CCDC178: variants seen among roughly 807,000 people sequenced by gnomAD.
The protein encoded by CCDC178 is coiled-coil domain containing 178.
In CCDC178, 126 loss-of-function variants were observed where a neutral mutation model predicts 117.4. The ratio of observed to expected loss-of-function variants is 1.07; its 90% CI spans 0.93 to 1.24. The LOEUF is 1.24. CCDC178 is among the 50% of genes most tolerant of loss of function. The pLI, the probability that CCDC178 is intolerant of heterozygous loss-of-function variation, is 0.00. For missense variants in CCDC178, 1,030 were observed against 986.9 expected, an observed-to-expected ratio of 1.04 and a Z score of -0.59; for synonymous variants, 283 against 313.4, an observed-to-expected ratio of 0.90 and a Z score of 1.02.
chr18:33,251,381 T>G (rs1171492582), intron 14 of CCDC178, among the ~76,000 whole-genome samples: 1 of 151,614 alleles, frequency 6.6e-6, no homozygotes, highest in African/African-American at 2.4e-5. Context: ...TTATTAGGAG[T>G]CAAGAGAGGG....
intron 18 of CCDC178, among the ~76,000 whole-genome samples, chr18:33,216,700 G>A (rs271558): frequency 0.16 from 23,724 of 151,888 alleles, 2,502 homozygotes; most frequent in African/African-American, 0.31. Flanking sequence ...TGAACATTGG[G>A]TACTGCATTT....
rs946865905 is a variant in CCDC178, at chr18:33,365,456, G to A, written c.348+4594C>T. On this transcript the variant is annotated intron_variant, in intron 6 of 22. Coordinates refer to ENST00000383096, the MANE Select transcript of CCDC178 (RefSeq NM_001105528.4). The stretch of plus-strand genomic sequence containing the variant: ...GGCTCTGCCACTGACATTAGATCTC[G>A]GGAGAAATCAGCCTCTGAAATCATT... Among the ~76,000 whole-genome samples the A allele has an allele frequency of 4.6e-5, 7 of 151,990 alleles. No individual in the cohort carries two copies. In the South Asian group the frequency reaches 6.2e-4, roughly 14 times the overall value.
chr18:33,103,454 T>C (rs933009582), intron 20 of CCDC178, among the ~76,000 whole-genome samples: 3 of 151,676 alleles, frequency 2.0e-5, no homozygotes, highest in African/African-American at 7.3e-5. Flanking sequence ...ATTCAAGATC[T>C]ATTTGGGCTC....
chr18:33,135,382 T>A (rs905575058), intron 20 of CCDC178, among the ~76,000 whole-genome samples: 3 of 152,118 alleles, frequency 2.0e-5, no homozygotes, highest in Non-Finnish European at 4.4e-5. Flanking sequence ...GACATAAAAA[T>A]ATAAATTAAA....
chr18:33,278,719 G>A (rs7506187), intron 12 of CCDC178, among the ~76,000 whole-genome samples: 126,101 of 151,976 alleles, frequency 0.83, 53,127 homozygotes, highest in South Asian at 0.92. Context: ...CTCTAAATGC[G>A]GACTGTGAAG....
chr18:33,164,145 T>C (rs2058499826), intron 20 of CCDC178, among the ~76,000 whole-genome samples: 1 of 151,172 alleles, frequency 6.6e-6, no homozygotes, highest in Non-Finnish European at 1.5e-5. Flanking sequence ...TTCGCTCTTG[T>C]TGCCCAGGCT....
At chr18:33,084,567 C>T (rs2057347517) in intron 21 of CCDC178, among the ~76,000 whole-genome samples, 1 of 152,016 alleles carries the variant, frequency 6.6e-6, no homozygotes, top group Non-Finnish European at 1.5e-5. Flanking sequence ...AATCCCAGCA[C>T]TTTGAGGGGC....
At chr18:33,095,701 T>C (rs2057531377) in intron 20 of CCDC178, among the ~76,000 whole-genome samples, 1 of 151,936 alleles carries the variant, frequency 6.6e-6, no homozygotes, top group Admixed American at 6.6e-5. Context: ...AGTAACTGAT[T>C]GGCAATATAA....
At chr18:33,401,710 T>A (rs1437465295) in intron 3 of CCDC178, among the ~76,000 whole-genome samples, 5 of 152,066 alleles carry the variant, frequency 3.3e-5, no homozygotes, top group African/African-American at 1.2e-4. Flanking sequence ...GATACTTTTA[T>A]CTTCTTTGAC....
chr18:33,145,922 T>G (rs1210409964), intron 20 of CCDC178, among the ~76,000 whole-genome samples: 2 of 152,188 alleles, frequency 1.3e-5, no homozygotes, highest in African/African-American at 2.4e-5. Context: ...TTGGGAAATG[T>G]TACAGGAAGC....
chr18:33,174,462 T>C (rs925033558), intron 20 of CCDC178, among the ~76,000 whole-genome samples: 1 of 152,126 alleles, frequency 6.6e-6, no homozygotes, highest in Admixed American at 6.6e-5. Flanking sequence ...TTAAATGTTA[T>C]ATTTATATTA....
chr18:33,045,165 A>C (rs1326972877), intron 21 of CCDC178, among the ~76,000 whole-genome samples: 1 of 152,186 alleles, frequency 6.6e-6, no homozygotes, highest in African/African-American at 2.4e-5. Context: ...TAAATATATA[A>C]AAATAAAATA....
chr18:33,084,669 G>A (rs1165912195), intron 21 of CCDC178, among the ~76,000 whole-genome samples: 4 of 151,676 alleles, frequency 2.6e-5, no homozygotes, highest in South Asian at 4.2e-4. Flanking sequence ...AAAATTAGCT[G>A]GGCGGGGTGG....
intron 21 of CCDC178, among the ~76,000 whole-genome samples, chr18:33,014,587 A>G (rs539894242): frequency 1.3e-5 from 2 of 152,248 alleles, no homozygotes; most frequent in Non-Finnish European, 2.9e-5. Flanking sequence ...GAGGACCTGT[A>G]TAAGCAGGAA....
chr18:33,084,810 CAA>C (rs34977807), intron 21 of CCDC178, among the ~76,000 whole-genome samples: 16 of 125,624 alleles, frequency 1.3e-4, no homozygotes, highest in Admixed American at 1.6e-4. Context: ...GGCCCCGTCT[CAA>C]AAAAAAAAAA....
In CCDC178 at chr18:33,293,290, TGTTAA is replaced by T. The variant is rs1202059838; in HGVS notation, c.1040_1044del (p.Leu347GlnfsTer4). Reference sequence around the variant, plus strand: ...GATGAAGAGTAATGATCAAATAGACTGTTAAGTTGATATATCTCTCTCCTAGGGAT... The same window carrying T: ...GATGAAGAGTAATGATCAAATAGACTGTTGATATATCTCTCTCCTAGGGAT... On this transcript the variant is annotated frameshift_variant, in exon 12 of 23. Coordinates refer to ENST00000383096, the MANE Select transcript of CCDC178 (RefSeq NM_001105528.4). LOFTEE classifies it high-confidence loss of function. 1 of 1,520,380 alleles carries T rather than the reference TGTTAA, an allele frequency of 6.6e-7. No homozygotes were observed. Among genetic ancestry groups the T allele is most frequent in the South Asian group, 1.2e-5 (1 of 84,022 alleles). The allele number at this position is 1,520,380 out of a possible 1,614,324, so 94.2% of individuals were successfully genotyped here.
intron 20 of CCDC178, among the ~76,000 whole-genome samples, chr18:33,194,920 GA>G (rs2058909027): frequency 9.1e-6 from 1 of 109,404 alleles, no homozygotes; most frequent in Non-Finnish European, 1.8e-5. Flanking sequence ...AAAAAAAAAA[GA>G]GAGAGAGAGA....
intron 22 of CCDC178, among the ~76,000 whole-genome samples, chr18:32,969,223 G>T (rs957440481): frequency 6.6e-6 from 1 of 151,950 alleles, no homozygotes; most frequent in Non-Finnish European, 1.5e-5. Context: ...CATACTAGTG[G>T]GTGAGAAGGC....
intron 20 of CCDC178, among the ~76,000 whole-genome samples, chr18:33,123,222 C>T (rs540492355): frequency 6.6e-6 from 1 of 151,944 alleles, no homozygotes; most frequent in South Asian, 2.1e-4. Context: ...TATATATAAC[C>T]AACTAATTGG....
Sources: gnomAD v4.1 joint callset for allele counts (sites outside exome capture counted in the v4.1 genomes callset) on GRCh38, gnomAD v4.1.1 for gene constraint, MANE v1.5 for transcripts, NCBI Gene and HGNC (gene_info 2026-07-23, HGNC 2026-07-21) for gene names.